The following TGFBR3 variants were observed in gnomAD, a reference collection of about 807,000 sequenced individuals.
The protein encoded by TGFBR3 is transforming growth factor beta receptor type 3.
In TGFBR3, 46 loss-of-function variants were observed where a neutral mutation model predicts 87.9. That is an observed-to-expected ratio of 0.52 (90% CI 0.41 to 0.67). The LOEUF (loss-of-function observed/expected upper bound fraction) is 0.67. TGFBR3 is among the 30% of genes least tolerant of loss of function. The pLI, the probability that TGFBR3 is intolerant of heterozygous loss-of-function variation, is 0.00. For synonymous variants in TGFBR3, 381 were observed against 391.6 expected (o/e 0.97, Z 0.32); for missense variants, 866 against 1,041.9 (o/e 0.83, Z 2.32).
chr1:91,874,333 C>T (rs1420505039), intron 1 of TGFBR3, among the ~76,000 whole-genome samples: 1 of 152,156 alleles, frequency 6.6e-6, no homozygotes, highest in Non-Finnish European at 1.5e-5. Context: ...ATCTGGCGTG[C>T]TCAGGGACCA....
chr1:91,807,416 C>A (rs1675873700), intron 2 of TGFBR3, among the ~76,000 whole-genome samples: 1 of 152,214 alleles, frequency 6.6e-6, no homozygotes, highest in Non-Finnish European at 1.5e-5. Context: ...AACAAACTAA[C>A]CCTCTTCCAA....
At chr1:91,807,334 A>G (rs1188296242) in intron 2 of TGFBR3, among the ~76,000 whole-genome samples, 1 of 152,230 alleles carries the variant, frequency 6.6e-6, no homozygotes, top group African/African-American at 2.4e-5. Flanking sequence ...TTTCTACAGC[A>G]CAACTCTTAG....
chr1:91,712,574 T>G (rs1180519118), intron 12 of TGFBR3, 32 bp from the exon 13 acceptor site: 1 of 1,608,758 alleles, frequency 6.2e-7, no homozygotes, highest in South Asian at 1.1e-5. Context: ...AATTAGGAAA[T>G]GAGTTAGCAT....
At chr1:91,828,002 C>T (rs377423299) in intron 2 of TGFBR3, among the ~76,000 whole-genome samples, 1 of 152,174 alleles carries the variant, frequency 6.6e-6, no homozygotes, top group South Asian at 2.1e-4. Flanking sequence ...CAGTTCAGTT[C>T]AGCTGCAGAC....
chr1:91,837,221 A>ATTATTTATTTATTTAT (rs3039475), intron 2 of TGFBR3, among the ~76,000 whole-genome samples: 28 of 149,440 alleles, frequency 1.9e-4, no homozygotes, highest in African/African-American at 6.9e-4. Context: ...AAGTAAGGAT[A>ATTATTTATTTATTTAT]TTATTTATTT....
upstream of TGFBR3, among the ~76,000 whole-genome samples, chr1:91,890,023 C>A (rs933226840): frequency 2.0e-5 from 3 of 152,136 alleles, no homozygotes; most frequent in African/African-American, 7.2e-5. Context: ...CTCCCTTTCA[C>A]TAATTTCTCA....
chr1:91,817,118 ACT>A (rs1197744976), intron 2 of TGFBR3, among the ~76,000 whole-genome samples: 1 of 152,036 alleles, frequency 6.6e-6, no homozygotes, highest in Non-Finnish European at 1.5e-5. Flanking sequence ...ATAACTTGAA[ACT>A]CTGTGTTAGG....
intron 1 of TGFBR3, among the ~76,000 whole-genome samples, chr1:91,876,899 CA>C (rs760686617): frequency 2.8e-4 from 40 of 144,024 alleles, no homozygotes; most frequent in Admixed American, 2.8e-4. Flanking sequence ...TTACCCTCTG[CA>C]AAAAAAAAAG....
chr1:91,765,596 C>T (rs1674149711), intron 3 of TGFBR3, among the ~76,000 whole-genome samples: 1 of 152,068 alleles, frequency 6.6e-6, no homozygotes, highest in African/African-American at 2.4e-5. Flanking sequence ...TAGAATGGCA[C>T]TTGGGCCATC....
upstream of TGFBR3, among the ~76,000 whole-genome samples, chr1:91,890,532 G>A (rs1300326537): frequency 1.4e-5 from 2 of 139,398 alleles, no homozygotes; most frequent in African/African-American, 5.3e-5. Context: ...TGATTCTTCT[G>A]CCTCAGCTTC....
chr1:91,771,837 C>T (rs1674388948), intron 3 of TGFBR3, among the ~76,000 whole-genome samples: 1 of 151,912 alleles, frequency 6.6e-6, no homozygotes, highest in African/African-American at 2.4e-5. Context: ...AAATGTGAGT[C>T]AGACACAATA....
At chr1:91,729,487 G>C (rs1672687607) in intron 6 of TGFBR3, among the ~76,000 whole-genome samples, 3 of 152,198 alleles carry the variant, frequency 2.0e-5, no homozygotes, top group Admixed American at 1.3e-4. Context: ...AAGAGTGACT[G>C]TGTCCTGTAA....
chr1:91,753,148 G>A (rs1673612175), intron 4 of TGFBR3, among the ~76,000 whole-genome samples: 1 of 151,950 alleles, frequency 6.6e-6, no homozygotes, highest in Non-Finnish European at 1.5e-5. Flanking sequence ...CACTTTGGGA[G>A]GCCAAAGTGG....
chr1:91,716,091 G>T, intron 12 of TGFBR3, 145 bp downstream of exon 12: 1 of 953,870 alleles, frequency 1.0e-6, no homozygotes, highest in Non-Finnish European at 1.6e-6. Flanking sequence ...GTCTGGAAGC[G>T]TTCTCTGAGC....
intron 2 of TGFBR3, among the ~76,000 whole-genome samples, chr1:91,807,238 A>G (rs985871785): frequency 3.3e-5 from 5 of 152,344 alleles, no homozygotes; most frequent in Admixed American, 6.5e-5. Flanking sequence ...ACCTGGCTTC[A>G]GGCTGAAGCT....
chr1:91,722,293 C>T lies in TGFBR3; in HGVS notation c.886-149G>A, dbSNP rs914823311. On this transcript the variant is annotated intron_variant, in intron 7 of 16. Coordinates refer to ENST00000212355, the MANE Select transcript of TGFBR3 (RefSeq NM_003243.5). ...ACCCCTGTTTTCCTTGGGCTAAGAA[C>T]GATGATGTGAAAAACCTTTAATAGC... is the stretch of plus-strand genomic sequence containing the variant. The T allele has an allele frequency of 9.7e-6, 7 of 718,040 alleles. No homozygotes were observed. In the African/African-American group the frequency reaches 1.3e-4, roughly 13 times the overall value. 44.5% of individuals were successfully genotyped at this position (718,040 alleles called of 1,614,324 possible).
chr1:91,693,170 T>C (rs1190150489), intron 16 of TGFBR3, among the ~76,000 whole-genome samples: 1 of 152,214 alleles, frequency 6.6e-6, no homozygotes, highest in Non-Finnish European at 1.5e-5. Context: ...GCTTGTATGA[T>C]GCTGGTATTC....
intron 2 of TGFBR3, among the ~76,000 whole-genome samples, chr1:91,854,812 G>A (rs1234990255): frequency 6.6e-6 from 1 of 152,152 alleles, no homozygotes; most frequent in African/African-American, 2.4e-5. Context: ...GCATGTCTAA[G>A]TTCTGGTCCA....
intron 3 of TGFBR3, among the ~76,000 whole-genome samples, chr1:91,766,109 C>T (rs534989569): frequency 1.3e-5 from 2 of 152,100 alleles, no homozygotes; most frequent in African/African-American, 2.4e-5. Context: ...CTCACCGTAA[C>T]CTTCAACTCC....
Sources: allele counts gnomAD v4.1 joint callset (sites outside exome capture counted in the v4.1 genomes callset), GRCh38; gene constraint gnomAD v4.1.1; transcripts MANE v1.5; gene names NCBI Gene and HGNC (gene_info 2026-07-23, HGNC 2026-07-21).